ZBTB20: variants seen among roughly 807,000 people sequenced by gnomAD.
ZBTB20 encodes the protein zinc finger and BTB domain-containing protein 20.
Under a neutral mutation model 56.9 loss-of-function variants are expected in ZBTB20, and 9 were observed. The observed-to-expected ratio is 0.16, with a 90% CI of 0.10 to 0.28. The LOEUF is 0.28. ZBTB20 is among the 10% of genes least tolerant of loss of function. The pLI is 1.00. For missense variants in ZBTB20, 655 were observed against 1,003.0 expected (o/e 0.65, Z 4.69); for synonymous variants, 417 against 420.7 (o/e 0.99, Z 0.11).
At chr3:114,478,683 G>C (rs2041159059) in intron 7 of ZBTB20, among the ~76,000 whole-genome samples, 1 of 152,122 alleles carries the variant, frequency 6.6e-6, no homozygotes, top group South Asian at 2.1e-4. Flanking sequence ...AATCTGAAAT[G>C]TGTATGCATA....
At chr3:114,859,192 C>T (rs1272241791) in intron 4 of ZBTB20, among the ~76,000 whole-genome samples, 4 of 151,826 alleles carry the variant, frequency 2.6e-5, no homozygotes, top group African/African-American at 9.7e-5. Flanking sequence ...ACCTTTCTTC[C>T]TTCCTTCCTT....
chr3:114,974,123 A>C (rs1370686288), intron 3 of ZBTB20, among the ~76,000 whole-genome samples: 3 of 151,992 alleles, frequency 2.0e-5, no homozygotes, highest in African/African-American at 7.2e-5. Context: ...AGAAGGAACA[A>C]GAGTTAGAGC....
At chr3:114,704,730 G>A (rs568374988) in intron 5 of ZBTB20, among the ~76,000 whole-genome samples, 1 of 152,112 alleles carries the variant, frequency 6.6e-6, no homozygotes, top group Non-Finnish European at 1.5e-5. Context: ...TCGCAATGAG[G>A]AGTCTGAGAT....
At chr3:114,405,359 T>C (rs2087212440) in intron 7 of ZBTB20, among the ~76,000 whole-genome samples, 1 of 152,104 alleles carries the variant, frequency 6.6e-6, no homozygotes, top group African/African-American at 2.4e-5. Context: ...GGCGAAGACA[T>C]AGGAATGTGT....
chr3:115,009,021 AT>A (rs2079588762), intron 2 of ZBTB20, among the ~76,000 whole-genome samples: 1 of 151,958 alleles, frequency 6.6e-6, no homozygotes, highest in African/African-American at 2.4e-5. Flanking sequence ...AAGATTGAAT[AT>A]TTTTATACGT....
chr3:114,846,385 C>T (rs946791220), intron 4 of ZBTB20, among the ~76,000 whole-genome samples: 8 of 152,148 alleles, frequency 5.3e-5, no homozygotes, highest in African/African-American at 1.9e-4. Flanking sequence ...GCTGAAAACT[C>T]GAGAGCATAG....
At chr3:114,745,590 T>G (rs2066979879) in intron 5 of ZBTB20, among the ~76,000 whole-genome samples, 1 of 152,176 alleles carries the variant, frequency 6.6e-6, no homozygotes, top group African/African-American at 2.4e-5. Flanking sequence ...TAGAACCTTT[T>G]CTGTTCCTGA....
At chr3:115,032,628 A>G (rs1471116715) in intron 2 of ZBTB20, among the ~76,000 whole-genome samples, 1 of 151,512 alleles carries the variant, frequency 6.6e-6, no homozygotes, top group African/African-American at 2.4e-5. Flanking sequence ...TGTCCAGGAT[A>G]GACCACATAT....
At position 114,611,819 on chromosome 3, in the gene ZBTB20, T is replaced by C. The variant is rs115266401; in HGVS notation, c.-295+81709A>G. On this transcript the variant is annotated intron_variant, in intron 6 of 11. Coordinates refer to ENST00000675478, the MANE Select transcript of ZBTB20 (RefSeq NM_001348800.3). ...CCCTCTCAATCTACTCTGCACACTA[T>C]AGCCAGGTTAACTTCTAAAACATGC... 5.6e-3 allele frequency among the ~76,000 whole-genome samples: 852 copies of C among 152,322 alleles called. 10 individuals carry two copies. The highest frequency in any genetic ancestry group is 0.019 in the African/African-American group (784 of 41,582).
At chr3:114,423,855 G>A (rs2089410938) in intron 7 of ZBTB20, among the ~76,000 whole-genome samples, 1 of 152,176 alleles carries the variant, frequency 6.6e-6, no homozygotes, top group African/African-American at 2.4e-5. Flanking sequence ...ATGATCTGTA[G>A]AGCTTATCTT....
At chr3:114,669,330 C>T (rs911058621) in intron 6 of ZBTB20, among the ~76,000 whole-genome samples, 8 of 152,056 alleles carry the variant, frequency 5.3e-5, no homozygotes, top group Non-Finnish European at 7.4e-5. Flanking sequence ...ACACGTAAGA[C>T]ACTCAGCCTA....
At chr3:114,908,220 C>T (rs924419159) in intron 3 of ZBTB20, among the ~76,000 whole-genome samples, 1 of 151,886 alleles carries the variant, frequency 6.6e-6, no homozygotes, top group African/African-American at 2.4e-5. Flanking sequence ...TATATTCACA[C>T]AGAAATGTTT....
rs139918837 is a variant in ZBTB20, at chr3:114,997,599, G to A, written c.-506-23183C>T. Among the ~76,000 whole-genome samples, 1,450 of 151,422 alleles carry A rather than the reference G, an allele frequency of 9.6e-3. 18 individuals carry two copies. Among genetic ancestry groups the A allele is most frequent in the African/African-American group, 0.033 (1,377 of 41,400 alleles). On this transcript the variant is annotated intron_variant, in intron 2 of 11. Coordinates refer to ENST00000675478, the MANE Select transcript of ZBTB20 (RefSeq NM_001348800.3). ...AATAGTGAAGGGCTTGAACAAGTTCGAATGTTGATAACAAAGGAGTTTACA... is the reference window on the plus strand; with the variant it reads ...AATAGTGAAGGGCTTGAACAAGTTCAAATGTTGATAACAAAGGAGTTTACA...
At chr3:114,645,539 C>T (rs2059790327) in intron 6 of ZBTB20, among the ~76,000 whole-genome samples, 1 of 152,064 alleles carries the variant, frequency 6.6e-6, no homozygotes, top group Admixed American at 6.6e-5. Flanking sequence ...CAGCTGTTTC[C>T]TTACATCTTT....
At chr3:115,104,782 C>T (rs1576784852) in intron 1 of ZBTB20, among the ~76,000 whole-genome samples, 1 of 152,250 alleles carries the variant, frequency 6.6e-6, no homozygotes, top group East Asian at 1.9e-4. Flanking sequence ...ACAATAGTGA[C>T]AGATAGATGT....
chr3:114,885,328 G>T (rs1053869326), intron 4 of ZBTB20, among the ~76,000 whole-genome samples: 32 of 152,170 alleles, frequency 2.1e-4, no homozygotes, highest in Non-Finnish European at 3.7e-4. Flanking sequence ...CGTCATTCAA[G>T]TCTTATAATT....
chr3:114,779,895 C>A (rs1443192221), intron 5 of ZBTB20, among the ~76,000 whole-genome samples: 4 of 152,108 alleles, frequency 2.6e-5, no homozygotes, highest in Non-Finnish European at 4.4e-5. Flanking sequence ...CCAATAAACA[C>A]CCCTTGATTA....
chr3:114,433,826 C>T (rs1471407128), intron 7 of ZBTB20, among the ~76,000 whole-genome samples: 1 of 152,096 alleles, frequency 6.6e-6, no homozygotes. Context: ...ATAGAACCAC[C>T]CCTCCATAGA....
chr3:114,690,356 T>C (rs1027186844), intron 6 of ZBTB20, among the ~76,000 whole-genome samples: 12 of 152,186 alleles, frequency 7.9e-5, no homozygotes, highest in African/African-American at 2.4e-5. Flanking sequence ...TGATGCAGTA[T>C]GTTGCATAGT....
Sources: gnomAD v4.1 joint callset for allele counts (sites outside exome capture counted in the v4.1 genomes callset) on GRCh38, gnomAD v4.1.1 for gene constraint, MANE v1.5 for transcripts, NCBI Gene and HGNC (gene_info 2026-07-23, HGNC 2026-07-21) for gene names.